The following CHIA variants were observed in gnomAD, a reference collection of about 807,000 sequenced individuals.
CHIA encodes the protein chitinase acidic, also known as acidic mammalian chitinase.
Under a neutral mutation model 53.5 loss-of-function variants are expected in CHIA, and 47 were observed. That is an observed-to-expected ratio of 0.88 (90% CI 0.70 to 1.12). The LOEUF is 1.12. Among genes scored for constraint, CHIA ranks in the 50% most tolerant of loss-of-function variants. CHIA has a pLI of 0.00. For missense variants in CHIA, 652 were observed against 592.2 expected, an observed-to-expected ratio of 1.10 and a Z score of -1.05; for synonymous variants, 268 against 222.2, an observed-to-expected ratio of 1.21 and a Z score of -1.83.
At position 111,318,101 on chromosome 1, in the gene CHIA, C is replaced by G. The variant is rs151297358; in HGVS notation, c.721C>G (p.Leu241Val). 81 of 1,612,072 alleles carry G rather than the reference C, an allele frequency of 5.0e-5. No homozygotes were observed. The highest frequency in any genetic ancestry group is 4.5e-4 in the East Asian group (20 of 44,866). Residue 241 changes from leucine to valine, a missense_variant, in exon 8 of 12, where the codon CTC (leucine) becomes GTC (valine). Transcript: ENST00000369740. Reference sequence around the variant, plus strand: ...GACTGACACCGGCAGCAACGCCTACCTCAATGTGGTGAGTCCCTGTACAGA... The same window carrying G: ...GACTGACACCGGCAGCAACGCCTACGTCAATGTGGTGAGTCCCTGTACAGA... ...YPTDTGSNAY[L>V]NVDYVMNYWK...
chr1:111,310,400 A>T lies in CHIA; in HGVS notation c.-68A>T. 6.2e-7 allele frequency: 1 copy of T among 1,607,670 alleles called. No homozygotes were observed. The highest frequency in any genetic ancestry group is 1.1e-5 in the South Asian group (1 of 89,580). On this transcript the variant is annotated splice_region_variant and 5_prime_UTR_variant, in exon 2 of 12. Coordinates refer to ENST00000369740, the MANE Select transcript of CHIA (RefSeq NM_201653.4). Reference sequence around the variant, plus strand: ...CTGGGTCAAATTGTTCTCTATTTAGAAGCCTTTGTGATAACCACAGAATCA... The same window carrying T: ...CTGGGTCAAATTGTTCTCTATTTAGTAGCCTTTGTGATAACCACAGAATCA...
intron 11 of CHIA, 88 bp downstream of exon 11, chr1:111,319,556 G>A (rs1279181200): frequency 1.1e-5 from 14 of 1,281,530 alleles, no homozygotes; most frequent in African/African-American, 1.5e-5. Context: ...CCTCCCCCTT[G>A]CCCAGGGATC....
At chr1:111,302,398 G>A (rs1647829556) in intron 1 of CHIA, among the ~76,000 whole-genome samples, 1 of 152,104 alleles carries the variant, frequency 6.6e-6, no homozygotes, top group Admixed American at 6.5e-5. Context: ...GAGTTATAAA[G>A]TTCTCACTTA....
intron 1 of CHIA, among the ~76,000 whole-genome samples, 186 bp downstream of exon 1, chr1:111,291,136 C>G (rs1017712715): frequency 6.6e-6 from 1 of 152,080 alleles, no homozygotes; most frequent in African/African-American, 2.4e-5. Flanking sequence ...TTTCTCCTCC[C>G]CTCACACATC....
intron 1 of CHIA, among the ~76,000 whole-genome samples, chr1:111,307,713 C>T (rs1648300591): frequency 1.3e-5 from 2 of 151,736 alleles, no homozygotes; most frequent in African/African-American, 4.9e-5. Flanking sequence ...ACTATCTCAG[C>T]TCACTGCAAC....
chr1:111,295,982 C>T (rs570826516), intron 1 of CHIA, among the ~76,000 whole-genome samples: 1 of 152,214 alleles, frequency 6.6e-6, no homozygotes, highest in Non-Finnish European at 1.5e-5. Context: ...TGAGATTGAC[C>T]TGTGAGGCAG....
Position 111,310,481 on chromosome 1 carries a change from T to G in CHIA, c.14T>G (p.Ile5Ser), listed in dbSNP as rs765029178. 1.2e-6 allele frequency: 2 copies of G among 1,614,224 alleles called. No individual in the cohort carries two copies. The highest frequency in any genetic ancestry group is 1.1e-5 in the South Asian group (1 of 91,082). The change falls in exon 2 of 12, where the codon ATT (isoleucine) becomes AGT (serine). Residue 5 changes from isoleucine to serine, a missense_variant. Transcript: ENST00000369740. MTKL[I>S]LLTGLVLILN... is the part of the protein sequence containing the mutation. ...CTGACTGCAACCATGACAAAGCTTA[T>G]TCTCCTCACAGGTGGGTTTGTAATC...
chr1:111,303,257 T>C (rs541103457), intron 1 of CHIA, among the ~76,000 whole-genome samples: 1 of 152,194 alleles, frequency 6.6e-6, no homozygotes, highest in East Asian at 1.9e-4. Context: ...TTTAGAGTAA[T>C]TACTGATAAA....
At chr1:111,318,441 GTAC>G in intron 8 of CHIA, 49 bp from the exon 9 acceptor site, 2 of 1,470,198 alleles carry the variant, frequency 1.4e-6, no homozygotes, top group Non-Finnish European at 1.9e-6. Flanking sequence ...ATATAACTAA[GTAC>G]TGGGTCCTCA....
At chr1:111,298,525 A>G (rs1041545744) in intron 1 of CHIA, among the ~76,000 whole-genome samples, 7 of 152,220 alleles carry the variant, frequency 4.6e-5, no homozygotes, top group Admixed American at 6.5e-5. Context: ...AGGCAGATAT[A>G]AAGATGTTCT....
At chr1:111,312,453 C>T (rs1039148446) in intron 4 of CHIA, 62 bp downstream of exon 4, 52 of 1,307,954 alleles carry the variant, frequency 4.0e-5, no homozygotes, top group Non-Finnish European at 5.6e-5. Context: ...AACATTAATG[C>T]TTCTTAAAAT....
At chr1:111,292,851 T>A (rs1661110093) in intron 1 of CHIA, among the ~76,000 whole-genome samples, 2 of 152,194 alleles carry the variant, frequency 1.3e-5, no homozygotes, top group African/African-American at 4.8e-5. Flanking sequence ...TTATCTGTCT[T>A]TTTGGACTGG....
chr1:111,305,218 T>C (rs1208072329), intron 1 of CHIA, among the ~76,000 whole-genome samples: 2 of 152,348 alleles, frequency 1.3e-5, no homozygotes, highest in Non-Finnish European at 2.9e-5. Flanking sequence ...TGTTTTTTAA[T>C]GTCCTAGTGT....
intron 1 of CHIA, among the ~76,000 whole-genome samples, chr1:111,292,145 T>A (rs186958334): frequency 6.6e-6 from 1 of 152,154 alleles, no homozygotes; most frequent in African/African-American, 2.4e-5. Context: ...GGTCTTCAGA[T>A]TGGGAAAAAT....
Position 111,317,704 on chromosome 1 carries a change from G to A in CHIA, c.504G>A (p.Gln168=). 2.5e-6 allele frequency: 4 copies of A among 1,614,144 alleles called. No homozygotes were observed. Among genetic ancestry groups the A allele is most frequent in the Non-Finnish European group, 3.4e-6 (4 of 1,180,024 alleles). The part of the protein sequence containing the change: ...LVQEMREAFE[Q]EAKQINKPRL... ...AGGAAATGCGTGAAGCTTTTGAGCAGGAGGCCAAGCAGATCAACAAGCCCA... is the reference window on the plus strand; with the variant it reads ...AGGAAATGCGTGAAGCTTTTGAGCAAGAGGCCAAGCAGATCAACAAGCCCA... Residue 168 remains glutamine (Q), a synonymous_variant, in exon 7 of 12, where the codon CAG becomes CAA. Transcript: ENST00000369740.
At chr1:111,304,614 T>C (rs1183820898) in intron 1 of CHIA, among the ~76,000 whole-genome samples, 1 of 152,234 alleles carries the variant, frequency 6.6e-6, no homozygotes, top group Non-Finnish European at 1.5e-5. Flanking sequence ...AAAAATCTTA[T>C]TATTGAAATT....
At chr1:111,297,901 C>CAAAAAAAAAAAAAAAAAAAAAAAAAAA (rs1188512345) in intron 1 of CHIA, among the ~76,000 whole-genome samples, 1 of 31,854 alleles carries the variant, frequency 3.1e-5, no homozygotes, top group Non-Finnish European at 5.0e-5. Flanking sequence ...AAATGGAAAG[C>CAAAAAAAAAAAAAAAAAAAAAAAAAAA]AAAAAAAAAA....
At chr1:111,317,524 G>A (rs768750704) in intron 6 of CHIA, 157 bp from the exon 7 acceptor site, 13 of 750,126 alleles carry the variant, frequency 1.7e-5, no homozygotes, top group East Asian at 8.6e-5. Context: ...TTATCTATCC[G>A]ATCTACTTTA....
rs367730751 is a variant in CHIA at position 111,318,547 on chromosome 1, G to A, written c.784G>A (p.Val262Ile). 3.2e-5 allele frequency: 52 copies of A among 1,614,070 alleles called. 1 individual carries two copies. The highest frequency in any genetic ancestry group is 1.4e-4 in the South Asian group (13 of 91,092). Reference protein sequence around the residue: ...DNGAPAEKLIVGFPTYGHNFI... With the variant: ...DNGAPAEKLIIGFPTYGHNFI... Reference sequence around the variant, plus strand: ...TGGAGCACCAGCTGAGAAGCTCATCGTTGGATTCCCTACCTATGGACACAA... The same window carrying A: ...TGGAGCACCAGCTGAGAAGCTCATCATTGGATTCCCTACCTATGGACACAA... The change falls in exon 9 of 12, where the codon GTT becomes ATT. Residue 262 changes from valine (V) to isoleucine (I), a missense_variant. Transcript: ENST00000369740.
Sources: allele counts gnomAD v4.1 joint callset (sites outside exome capture counted in the v4.1 genomes callset), GRCh38; gene constraint gnomAD v4.1.1; transcripts MANE v1.5; gene names NCBI Gene and HGNC (gene_info 2026-07-23, HGNC 2026-07-21).